KIAA1549L: variants seen among roughly 807,000 people sequenced by gnomAD.
The protein encoded by KIAA1549L is KIAA1549 like.
Under a neutral mutation model 160.7 loss-of-function variants are expected in KIAA1549L, and 88 were observed. The observed-to-expected ratio is 0.55, with a 90% CI of 0.46 to 0.65. The LOEUF is 0.65. Among genes scored for constraint, KIAA1549L ranks in the 30% least tolerant of loss-of-function variants. The pLI, the probability that KIAA1549L is intolerant of heterozygous loss-of-function variation, is 0.00. For synonymous variants in KIAA1549L, 950 were observed against 976.7 expected (o/e 0.97, Z 0.51); for missense variants, 2,258 against 2,437.5 (o/e 0.93, Z 1.55).
At chr11:33,651,430 C>CT (rs11432390) in intron 17 of KIAA1549L, among the ~76,000 whole-genome samples, 19,550 of 150,318 alleles carry the variant, frequency 0.13, 1,596 homozygotes, top group East Asian at 0.22. Context: ...GAGCAAGACT[C>CT]TGTCTCAAAA....
chr11:33,449,867 A>G (rs1851684740), intron 1 of KIAA1549L, among the ~76,000 whole-genome samples: 1 of 152,186 alleles, frequency 6.6e-6, no homozygotes, highest in South Asian at 2.1e-4. Context: ...AGCCCTACCT[A>G]TTTGACCAGC....
In KIAA1549L at chr11:33,669,888, G is replaced by T. The variant is rs1852614642; in HGVS notation, c.*1734G>T. 1 of 152,162 alleles carries T rather than the reference G, an allele frequency of 6.6e-6. No homozygotes were observed. The highest frequency in any genetic ancestry group is 2.1e-4 in the South Asian group (1 of 4,828). The allele number at this position is 152,162 out of a possible 1,614,324, so 9.4% of individuals were successfully genotyped here. A position where few individuals can be genotyped will look rare whatever the true frequency, so the allele number is the denominator to read the frequency against. ...TGCTGGTTGATCTTTCATAGTGTTAGTGTTTTGTTACTTAAAAAGGAAATC... is the reference window on the plus strand; with the variant it reads ...TGCTGGTTGATCTTTCATAGTGTTATTGTTTTGTTACTTAAAAAGGAAATC... On this transcript the variant is annotated 3_prime_UTR_variant, in exon 21 of 21. Coordinates refer to ENST00000658780, the MANE Select transcript of KIAA1549L (RefSeq NM_012194.3).
At chr11:33,558,153 A>G (rs1247722080) in intron 6 of KIAA1549L, among the ~76,000 whole-genome samples, 1 of 152,190 alleles carries the variant, frequency 6.6e-6, no homozygotes, top group African/African-American at 2.4e-5. Context: ...GGAAGGTGGC[A>G]GAGATGTTAA....
chr11:33,429,229 C>G (rs1851183188), intron 1 of KIAA1549L, among the ~76,000 whole-genome samples: 1 of 152,188 alleles, frequency 6.6e-6, no homozygotes, highest in African/African-American at 2.4e-5. Context: ...ACCTCGGCCT[C>G]CCAAAGTGCT....
At chr11:33,492,894 C>A (rs557494513) in intron 1 of KIAA1549L, among the ~76,000 whole-genome samples, 1 of 151,990 alleles carries the variant, frequency 6.6e-6, no homozygotes, top group Non-Finnish European at 1.5e-5. Flanking sequence ...CATTAGTATT[C>A]GCAGTACTAA....
chr11:33,489,854 C>A (rs1433364260), intron 1 of KIAA1549L, among the ~76,000 whole-genome samples: 2 of 152,070 alleles, frequency 1.3e-5, no homozygotes, highest in Non-Finnish European at 1.5e-5. Context: ...GAGTCCACTG[C>A]AACAGTTAAT....
chr11:33,658,377 A>C (rs938960274), intron 18 of KIAA1549L, among the ~76,000 whole-genome samples: 9 of 152,092 alleles, frequency 5.9e-5, no homozygotes, highest in African/African-American at 2.2e-4. Context: ...CTGGCTGCTG[A>C]TGATGTCATC....
chr11:33,412,087 AT>A (rs1002544335), intron 1 of KIAA1549L, among the ~76,000 whole-genome samples: 9 of 152,170 alleles, frequency 5.9e-5, no homozygotes, highest in African/African-American at 2.2e-4. Context: ...GCTTCTAGTT[AT>A]TTTAGTGTTT....
At position 33,543,943 on chromosome 11, in the gene KIAA1549L, A is replaced by G. The variant is rs749010660; in HGVS notation, c.2380A>G (p.Met794Val). The change falls in exon 2 of 21, where the codon ATG (methionine) becomes GTG (valine). Residue 794 changes from methionine (M) to valine (V), a missense_variant. Transcript: ENST00000658780. ...GCCTGTGCAACAGTCAGACATGACCATGGTTGGAAGCCATATAGACCTCTG... is the reference window on the plus strand; with the variant it reads ...GCCTGTGCAACAGTCAGACATGACCGTGGTTGGAAGCCATATAGACCTCTG... ...EQPVQQSDMT[M>V]VGSHIDLWPT... is the part of the protein sequence containing the mutation. 71 of 1,613,916 alleles carry G rather than the reference A, an allele frequency of 4.4e-5. No homozygotes were observed. The highest frequency in any genetic ancestry group is 1.8e-4 in the Admixed American group (11 of 60,012).
chr11:33,390,717 C>A (rs962632704), intron 1 of KIAA1549L, among the ~76,000 whole-genome samples: 1 of 152,186 alleles, frequency 6.6e-6, no homozygotes, highest in Non-Finnish European at 1.5e-5. Context: ...TCTCCTCCTT[C>A]GTAGCAGTAA....
chr11:33,460,953 T>A (rs1049426663), intron 1 of KIAA1549L, among the ~76,000 whole-genome samples: 1 of 152,124 alleles, frequency 6.6e-6, no homozygotes, highest in African/African-American at 2.4e-5. Flanking sequence ...CTCTGCATGG[T>A]GGGATTATGG....
chr11:33,597,983 G>A (rs976360865), intron 12 of KIAA1549L, among the ~76,000 whole-genome samples: 24 of 152,134 alleles, frequency 1.6e-4, no homozygotes, highest in African/African-American at 5.6e-4. Flanking sequence ...AGTTTTAAAA[G>A]CACGCAGTAA....
At chr11:33,620,012 A>G (rs1198042656) in intron 16 of KIAA1549L, among the ~76,000 whole-genome samples, 2 of 151,010 alleles carry the variant, frequency 1.3e-5, no homozygotes, top group Non-Finnish European at 2.9e-5. Flanking sequence ...ATTTATTTCA[A>G]GATTGGCATT....
chr11:33,405,634 C>G (rs1850629807), intron 1 of KIAA1549L, among the ~76,000 whole-genome samples: 1 of 150,742 alleles, frequency 6.6e-6, no homozygotes, highest in African/African-American at 2.4e-5. Context: ...ACAAGGTTGA[C>G]AGATAGAGAA....
In KIAA1549L at chr11:33,658,825, C is replaced by G. The variant is rs12280103; in HGVS notation, c.5934C>G (p.Ser1978Arg). 6.4e-7 allele frequency: 1 copy of G among 1,564,122 alleles called. No individual in the cohort carries two copies. The highest frequency in any genetic ancestry group is 8.7e-7 in the Non-Finnish European group (1 of 1,154,646). Reference sequence around the variant, plus strand: ...CCGAGCCGGCCCAGCTGCACGACAGCGCCTCCTTCACGCAGATGTCCAGAG... The same window carrying G: ...CCGAGCCGGCCCAGCTGCACGACAGGGCCTCCTTCACGCAGATGTCCAGAG... ...TGPEPAQLHDSASFTQMSRGP... is the reference protein window; with the variant it reads ...TGPEPAQLHDRASFTQMSRGP... Residue 1978 changes from serine (S) to arginine (R), a missense_variant, in exon 19 of 21, where the codon AGC (serine) becomes AGG (arginine). Ser to Arg is a moderately radical substitution (Grantham distance 110). This residue lies in a region of KIAA1549L where 1,359 missense variants were observed against 1,546.6 expected (regional missense o/e 0.88). Coordinates refer to ENST00000658780, the MANE Select transcript of KIAA1549L (RefSeq NM_012194.3).
intron 1 of KIAA1549L, among the ~76,000 whole-genome samples, chr11:33,425,298 G>T (rs903291329): frequency 1.3e-5 from 2 of 151,972 alleles, no homozygotes; most frequent in Non-Finnish European, 2.9e-5. Flanking sequence ...TCAATTAGAG[G>T]ACTCTTGGTT....
intron 1 of KIAA1549L, chr11:33,403,417 ACAGACACG>A (rs1219313194): frequency 6.6e-6 from 1 of 152,014 alleles, no homozygotes; most frequent in Non-Finnish European, 1.5e-5. Context: ...ACACAGACAC[ACAGACACG>A]CACACAGAGA....
intron 1 of KIAA1549L, among the ~76,000 whole-genome samples, chr11:33,495,468 A>G (rs1471730154): frequency 6.6e-6 from 1 of 151,994 alleles, no homozygotes. Flanking sequence ...ATCATTTTTT[A>G]TGGCTGCATA....
At chr11:33,587,428 C>T (rs1849915730) in intron 11 of KIAA1549L, among the ~76,000 whole-genome samples, 1 of 152,156 alleles carries the variant, frequency 6.6e-6, no homozygotes. Flanking sequence ...TAGTCCTGCG[C>T]CACTTAGCTG....
Sources: allele counts gnomAD v4.1 joint callset (sites outside exome capture counted in the v4.1 genomes callset), GRCh38; gene constraint gnomAD v4.1.1; regional missense constraint gnomAD v4.1.1; transcripts MANE v1.5; gene names NCBI Gene and HGNC (gene_info 2026-07-23, HGNC 2026-07-21).